The following DCC variants were observed in gnomAD, a reference collection of about 807,000 sequenced individuals.
DCC encodes the protein netrin receptor DCC.
A neutral mutation model predicts 172.5 loss-of-function variants in DCC; 58 were observed. The ratio of observed to expected loss-of-function variants is 0.34; its 90% confidence interval spans 0.27 to 0.42. The LOEUF (loss-of-function observed/expected upper bound fraction) is 0.42. Among genes scored for constraint, DCC ranks in the 10% least tolerant of loss-of-function variants. The pLI is 1.00. For synonymous variants in DCC, 709 were observed against 644.5 expected, an observed-to-expected ratio of 1.10 and a Z score of -1.52; for missense variants, 1,740 against 1,791.0, an observed-to-expected ratio of 0.97 and a Z score of 0.51.
intron 21 of DCC, among the ~76,000 whole-genome samples, chr18:53,429,261 A>AT (rs1911445980): frequency 1.9e-5 from 1 of 52,700 alleles, no homozygotes; most frequent in Admixed American, 1.7e-4. Context: ...ACTTTAGAAG[A>AT]TGGTCTCTGC....
chr18:52,793,212 C>T (rs190058119), intron 2 of DCC, among the ~76,000 whole-genome samples: 77 of 152,240 alleles, frequency 5.1e-4, no homozygotes, highest in African/African-American at 1.7e-3. Flanking sequence ...ATGGACTTTC[C>T]GGTTGATTGG....
Position 53,457,248 on chromosome 18 carries a change from T to C in DCC, c.3393-1984T>C, listed in dbSNP as rs942605496. Among the ~76,000 whole-genome samples the C allele has an allele frequency of 6.6e-5, 10 of 152,170 alleles. 1 individual carries two copies. Among genetic ancestry groups the C allele is most frequent in the Admixed American group, 6.5e-4 (10 of 15,282 alleles). ...AACATACAAAAAGGTTCTGCCAGGT[T>C]TGGAACTCTTTTAAAAACAGAAGCC... On this transcript the variant is annotated intron_variant, in intron 23 of 28. Coordinates refer to ENST00000442544, the MANE Select transcript of DCC (RefSeq NM_005215.4).
chr18:53,004,242 G>A (rs1198793383), intron 5 of DCC, among the ~76,000 whole-genome samples: 1 of 152,100 alleles, frequency 6.6e-6, no homozygotes, highest in Non-Finnish European at 1.5e-5. Context: ...CTTTTTATAT[G>A]GAGCTTTTAT....
intron 7 of DCC, among the ~76,000 whole-genome samples, chr18:53,074,613 AT>A (rs974983551): frequency 1.3e-5 from 2 of 151,512 alleles, no homozygotes; most frequent in Non-Finnish European, 1.5e-5. Context: ...ATAGTAATGT[AT>A]TTTTTTTTAT....
At chr18:52,900,705 G>T (rs2039796910) in intron 2 of DCC, among the ~76,000 whole-genome samples, 3 of 152,108 alleles carry the variant, frequency 2.0e-5, no homozygotes, top group Admixed American at 2.0e-4. Context: ...TTAATGCATG[G>T]AGATACAGAT....
intron 1 of DCC, among the ~76,000 whole-genome samples, chr18:52,522,780 T>C (rs992298788): frequency 6.6e-6 from 1 of 152,170 alleles, no homozygotes; most frequent in Non-Finnish European, 1.5e-5. Flanking sequence ...ATCAGTCTTC[T>C]GGAGGTTAAT....
chr18:52,796,419 C>A (rs1186479425), intron 2 of DCC, among the ~76,000 whole-genome samples: 2 of 152,068 alleles, frequency 1.3e-5, no homozygotes, highest in Non-Finnish European at 2.9e-5. Flanking sequence ...GAGTTTTATA[C>A]TTTCATGTAT....
At chr18:53,320,598 A>G (rs575402367) in intron 13 of DCC, among the ~76,000 whole-genome samples, 1 of 152,288 alleles carries the variant, frequency 6.6e-6, no homozygotes, top group Non-Finnish European at 1.5e-5. Flanking sequence ...AACAAATCAA[A>G]GTGAGCACGA....
At chr18:52,390,405 C>T (rs907993873) in intron 1 of DCC, among the ~76,000 whole-genome samples, 1 of 152,062 alleles carries the variant, frequency 6.6e-6, no homozygotes, top group Non-Finnish European at 1.5e-5. Flanking sequence ...GTCTTGGGCT[C>T]CTGGGAAGCC....
intron 5 of DCC, among the ~76,000 whole-genome samples, chr18:52,975,304 G>C (rs1420067858): frequency 6.6e-6 from 1 of 152,046 alleles, no homozygotes; most frequent in Non-Finnish European, 1.5e-5. Context: ...AGAGAGCTCT[G>C]GTGTTTCTTT....
intron 5 of DCC, among the ~76,000 whole-genome samples, chr18:52,930,612 T>A (rs1568194564): frequency 6.6e-6 from 1 of 152,082 alleles, no homozygotes; most frequent in Non-Finnish European, 1.5e-5. Flanking sequence ...TAAAATGGAG[T>A]CTCCTTGTAA....
chr18:53,025,095 A>G (rs1416379154), intron 5 of DCC, among the ~76,000 whole-genome samples: 1 of 152,146 alleles, frequency 6.6e-6, no homozygotes, highest in Non-Finnish European at 1.5e-5. Context: ...GCTTTAATCT[A>G]TGACCCATGA....
intron 1 of DCC, among the ~76,000 whole-genome samples, chr18:52,574,295 C>A (rs946815154): frequency 6.6e-6 from 1 of 152,106 alleles, no homozygotes; most frequent in African/African-American, 2.4e-5. Context: ...TGGAAGCCTG[C>A]ATTTATGAAT....
At chr18:53,035,316 G>A (rs1172243498) in intron 5 of DCC, among the ~76,000 whole-genome samples, 2 of 152,136 alleles carry the variant, frequency 1.3e-5, no homozygotes, top group Non-Finnish European at 1.5e-5. Context: ...TACAATATGT[G>A]CTCCCTGAGA....
intron 1 of DCC, among the ~76,000 whole-genome samples, chr18:52,505,093 G>A (rs904525388): frequency 3.3e-5 from 5 of 152,144 alleles, no homozygotes; most frequent in African/African-American, 1.2e-4. Flanking sequence ...AATTAGAAGG[G>A]AGGGGAAAGA....
chr18:52,692,884 G>A (rs186061566), intron 1 of DCC, among the ~76,000 whole-genome samples: 4 of 152,258 alleles, frequency 2.6e-5, no homozygotes, highest in South Asian at 2.1e-4. Flanking sequence ...TAAAAAATGA[G>A]AGGCAAGACA....
intron 2 of DCC, among the ~76,000 whole-genome samples, chr18:52,786,118 C>G (rs2037653001): frequency 6.6e-6 from 1 of 151,970 alleles, no homozygotes. Flanking sequence ...CACATAAAAT[C>G]TTACTTGTCA....
intron 2 of DCC, among the ~76,000 whole-genome samples, chr18:52,875,539 C>A (rs1299708914): frequency 6.6e-6 from 1 of 152,090 alleles, no homozygotes; most frequent in Non-Finnish European, 1.5e-5. Context: ...AGTATCATCC[C>A]CAACTGTTGA....
At chr18:53,066,400 T>C (rs2042571306) in intron 7 of DCC, among the ~76,000 whole-genome samples, 4 of 120,656 alleles carry the variant, frequency 3.3e-5, no homozygotes, top group East Asian at 4.4e-4. Context: ...TATATATATG[T>C]GCATGTGTGT....
Sources: allele counts gnomAD v4.1 joint callset (sites outside exome capture counted in the v4.1 genomes callset), GRCh38; gene constraint gnomAD v4.1.1; transcripts MANE v1.5; gene names NCBI Gene and HGNC (gene_info 2026-07-23, HGNC 2026-07-21).